SSBP2: variants seen among roughly 807,000 people sequenced by gnomAD.
SSBP2 encodes the protein single stranded DNA binding protein 2, also known as single-stranded DNA-binding protein 2.
Under a neutral mutation model 61.8 loss-of-function variants are expected in SSBP2, and 17 were observed. That is an observed-to-expected ratio of 0.28 (90% confidence interval 0.19 to 0.41). The LOEUF (loss-of-function observed/expected upper bound fraction) is 0.41, where lower values mean the gene tolerates loss of function less well. SSBP2 is among the 10% of genes least tolerant of loss of function. The probability of loss-of-function intolerance (pLI) is 1.00; values close to 1 mark genes in which losing one functional copy is unlikely to be tolerated. For missense variants in SSBP2, 310 were observed against 458.7 expected, an observed-to-expected ratio of 0.68 and a Z score of 2.96; for synonymous variants, 139 against 141.3, an observed-to-expected ratio of 0.98 and a Z score of 0.12.
intron 2 of SSBP2, among the ~76,000 whole-genome samples, chr5:81,646,181 A>G (rs571326785): frequency 2.0e-5 from 3 of 152,204 alleles, no homozygotes; most frequent in Non-Finnish European, 4.4e-5. Context: ...GAAGTGACCC[A>G]GCACAGTAAA....
intron 1 of SSBP2, among the ~76,000 whole-genome samples, chr5:81,693,046 T>C (rs1462170219): frequency 6.6e-6 from 1 of 151,150 alleles, no homozygotes; most frequent in Admixed American, 6.6e-5. Context: ...TCTACTAAAA[T>C]ACAAAAAAAT....
chr5:81,611,475 T>C (rs893351898), intron 4 of SSBP2, among the ~76,000 whole-genome samples: 4 of 152,208 alleles, frequency 2.6e-5, no homozygotes, highest in Admixed American at 2.0e-4. Context: ...TTATTTTCTA[T>C]GATTTCTACA....
intron 3 of SSBP2, among the ~76,000 whole-genome samples, chr5:81,635,707 CTGGG>C (rs1444847662): frequency 6.6e-6 from 1 of 151,940 alleles, no homozygotes; most frequent in African/African-American, 2.4e-5. Context: ...CCTTAGCCTC[CTGGG>C]TACCTGGGAC....
chr5:81,501,133 C>A (rs555912441), intron 5 of SSBP2, among the ~76,000 whole-genome samples: 6 of 144,916 alleles, frequency 4.1e-5, no homozygotes, highest in Admixed American at 7.0e-5. Flanking sequence ...ATTGCTTGAA[C>A]CCGGGAGGCA....
intron 16 of SSBP2, among the ~76,000 whole-genome samples, chr5:81,427,196 T>C (rs1036152407): frequency 2.6e-5 from 4 of 152,172 alleles, no homozygotes; most frequent in African/African-American, 9.7e-5. Context: ...AAAAATTAAT[T>C]TGTCCATAGT....
chr5:81,605,355 T>A (rs1428108604), intron 4 of SSBP2, among the ~76,000 whole-genome samples: 4 of 152,116 alleles, frequency 2.6e-5, no homozygotes, highest in Non-Finnish European at 5.9e-5. Context: ...TACAAAAAAA[T>A]TAAAAGGGCT....
intron 9 of SSBP2, among the ~76,000 whole-genome samples, chr5:81,464,635 C>A (rs1249283056): frequency 1.3e-5 from 2 of 152,058 alleles, no homozygotes; most frequent in African/African-American, 4.8e-5. Context: ...ATCATACTCT[C>A]ATGGCAAATA....
chr5:81,482,976 T>G (rs192114571), intron 6 of SSBP2, among the ~76,000 whole-genome samples: 1 of 152,170 alleles, frequency 6.6e-6, no homozygotes, highest in East Asian at 1.9e-4. Flanking sequence ...GGGTTATCAG[T>G]TGGCCCAATT....
At chr5:81,591,921 G>C (rs1392349521) in intron 4 of SSBP2, among the ~76,000 whole-genome samples, 3 of 152,218 alleles carry the variant, frequency 2.0e-5, no homozygotes, top group African/African-American at 4.8e-5. Flanking sequence ...CACAGAAAAT[G>C]GGTGATTTCT....
At chr5:81,686,267 T>C (rs1044518968) in intron 1 of SSBP2, among the ~76,000 whole-genome samples, 3 of 152,334 alleles carry the variant, frequency 2.0e-5, no homozygotes, top group African/African-American at 7.2e-5. Flanking sequence ...GTTACAGTGA[T>C]CGCAAGTGAA....
chr5:81,442,274 T>A (rs1231373680), intron 13 of SSBP2, among the ~76,000 whole-genome samples: 1 of 152,090 alleles, frequency 6.6e-6, no homozygotes, highest in African/African-American at 2.4e-5. Context: ...CCTCCTTTAT[T>A]TTCAAGTTTA....
chr5:81,444,916 A>G (rs1763274837), intron 12 of SSBP2, among the ~76,000 whole-genome samples: 1 of 151,406 alleles, frequency 6.6e-6, no homozygotes. Context: ...TGAGGTTAGG[A>G]GTTCCAGACC....
Position 81,416,239 on chromosome 5 carries a change from A to G in SSBP2, c.*4265T>C, listed in dbSNP as rs188597090. On this transcript the variant is annotated 3_prime_UTR_variant, in exon 17 of 17. Coordinates refer to ENST00000320672, the MANE Select transcript of SSBP2 (RefSeq NM_012446.5). ...AAAAAAAAAAAAGAAAAAAAAATTTAAAAAAAAGGAAAACCAGTGTCAAAA... is the reference window on the plus strand; with the variant it reads ...AAAAAAAAAAAAGAAAAAAAAATTTGAAAAAAAGGAAAACCAGTGTCAAAA... 8.0e-6 allele frequency: 1 copy of G among 125,666 alleles called. No individual in the cohort carries two copies. Among genetic ancestry groups the G allele is most frequent in the South Asian group, 2.3e-4 (1 of 4,270 alleles). The allele number at this position is 125,666 out of a possible 1,614,324, so 7.8% of individuals were successfully genotyped here.
At chr5:81,468,920 A>T (rs895589313) in intron 8 of SSBP2, among the ~76,000 whole-genome samples, 1 of 152,134 alleles carries the variant, frequency 6.6e-6, no homozygotes, top group African/African-American at 2.4e-5. Context: ...TGGTGGTGGC[A>T]GCAGCAGTAC....
intron 4 of SSBP2, among the ~76,000 whole-genome samples, chr5:81,564,016 T>A (rs1773246963): frequency 6.6e-6 from 1 of 152,084 alleles, no homozygotes; most frequent in African/African-American, 2.4e-5. Flanking sequence ...CCAAAATATA[T>A]AAGGAACCCC....
intron 4 of SSBP2, among the ~76,000 whole-genome samples, chr5:81,527,942 T>G (rs186470692): frequency 2.3e-4 from 35 of 152,090 alleles, no homozygotes; most frequent in Admixed American, 1.9e-3. Flanking sequence ...AGTCCCTCTT[T>G]TATATATTTT....
At chr5:81,544,276 T>C (rs183243694) in intron 4 of SSBP2, among the ~76,000 whole-genome samples, 310 of 152,270 alleles carry the variant, frequency 2.0e-3, no homozygotes, top group Non-Finnish European at 3.5e-3. Flanking sequence ...CTTCAACTCC[T>C]GACCTCGTGA....
chr5:81,540,445 T>C (rs576479772), intron 4 of SSBP2, among the ~76,000 whole-genome samples: 15 of 152,240 alleles, frequency 9.9e-5, no homozygotes, highest in Non-Finnish European at 1.9e-4. Flanking sequence ...CTAACTGGCA[T>C]GAGATGGTAT....
chr5:81,583,741 T>C (rs959019263), intron 4 of SSBP2, among the ~76,000 whole-genome samples: 1 of 152,056 alleles, frequency 6.6e-6, no homozygotes, highest in African/African-American at 2.4e-5. Context: ...ATTGGTGACA[T>C]ATATAGAAGC....
Sources: gnomAD v4.1 joint callset for allele counts (sites outside exome capture counted in the v4.1 genomes callset) on GRCh38, gnomAD v4.1.1 for gene constraint, MANE v1.5 for transcripts, NCBI Gene and HGNC (gene_info 2026-07-23, HGNC 2026-07-21) for gene names.